PRDM11: variants seen among roughly 807,000 people sequenced by gnomAD.
PRDM11 encodes the protein PR/SET domain 11, also known as PR domain-containing protein 11.
A neutral mutation model predicts 97.8 loss-of-function variants in PRDM11; 20 were observed. That is an observed-to-expected ratio of 0.20 (90% CI 0.14 to 0.30). The LOEUF is 0.30. Ranked by LOEUF, PRDM11 falls within the 10% of genes least tolerant of loss-of-function variation. The pLI, the probability that PRDM11 is intolerant of heterozygous loss-of-function variation, is 1.00. For missense variants in PRDM11, 1,139 were observed against 1,555.2 expected (o/e 0.73, Z 4.50); for synonymous variants, 599 against 637.7 (o/e 0.94, Z 0.91).
chr11:45,101,117 C>A lies in PRDM11; in HGVS notation c.96+5216C>A, dbSNP rs552968020. Among the ~76,000 whole-genome samples the A allele has an allele frequency of 3.9e-5, 6 of 152,236 alleles. No individual in the cohort carries two copies. In the South Asian group the frequency reaches 1.0e-3, roughly 26 times the overall value. ...TCTCCCTTTCCCCACACTTCTTGCA[C>A]CCTAGTCACCTTACTGGGCTGAGAG... is the stretch of plus-strand genomic sequence containing the variant. On this transcript the variant is annotated intron_variant, in intron 1 of 6. Coordinates refer to the PRDM11 transcript ENST00000530656.
At chr11:45,113,690 T>C (rs1852233997) in intron 1 of PRDM11, among the ~76,000 whole-genome samples, 1 of 151,954 alleles carries the variant, frequency 6.6e-6, no homozygotes, top group Admixed American at 6.6e-5. Context: ...ATTCCTAAAT[T>C]ATTTATTTAT....
At chr11:45,200,264 C>T (rs538160002) in intron 4 of PRDM11, among the ~76,000 whole-genome samples, 1 of 152,346 alleles carries the variant, frequency 6.6e-6, no homozygotes, top group Non-Finnish European at 1.5e-5. Flanking sequence ...CTTCACAGCC[C>T]TCACCCAGTC....
At chr11:45,108,294 T>C (rs1417893141) in intron 1 of PRDM11, among the ~76,000 whole-genome samples, 1 of 152,200 alleles carries the variant, frequency 6.6e-6, no homozygotes, top group Non-Finnish European at 1.5e-5. Context: ...CCCTGGCCTC[T>C]TACGTGGGAT....
intron 1 of PRDM11, among the ~76,000 whole-genome samples, chr11:45,147,904 A>G (rs922425113): frequency 2.2e-4 from 33 of 152,188 alleles, no homozygotes; most frequent in African/African-American, 7.7e-4. Context: ...GCCAGGAGGC[A>G]ATGATGAGAG....
At chr11:45,184,071 C>T (rs1285274363) in intron 4 of PRDM11, among the ~76,000 whole-genome samples, 3 of 152,246 alleles carry the variant, frequency 2.0e-5, no homozygotes, top group Non-Finnish European at 4.4e-5. Flanking sequence ...AGAAGCCTTC[C>T]TGCTAGTTGA....
chr11:45,176,527 G>C (rs1210668944), intron 1 of PRDM11, among the ~76,000 whole-genome samples: 1 of 152,186 alleles, frequency 6.6e-6, no homozygotes, highest in Non-Finnish European at 1.5e-5. Context: ...TCTGATATCA[G>C]TGCCACAGGA....
intron 2 of PRDM11, 63 bp from the exon 3 acceptor site, chr11:45,182,183 C>A: frequency 6.9e-7 from 1 of 1,452,436 alleles, no homozygotes; most frequent in Non-Finnish European, 9.6e-7. Flanking sequence ...AGCTTTTGTC[C>A]CCACTGGGCT....
At chr11:45,158,857 A>G (rs1851864755) in intron 1 of PRDM11, among the ~76,000 whole-genome samples, 1 of 151,948 alleles carries the variant, frequency 6.6e-6, no homozygotes, top group Non-Finnish European at 1.5e-5. Flanking sequence ...GCCACTTCTC[A>G]GCAAGACCTC....
chr11:45,096,677 C>T (rs1051886648), intron 1 of PRDM11, among the ~76,000 whole-genome samples: 1 of 152,198 alleles, frequency 6.6e-6, no homozygotes, highest in Non-Finnish European at 1.5e-5. Context: ...TCCCAAGCAG[C>T]CTCTTCACTG....
intron 5 of PRDM11, among the ~76,000 whole-genome samples, chr11:45,217,820 C>G (rs1412467048): frequency 6.6e-6 from 1 of 152,194 alleles, no homozygotes; most frequent in African/African-American, 2.4e-5. Context: ...TCGTATATTT[C>G]TTTTCTTTAT....
chr11:45,154,338 A>G (rs1851736030), intron 1 of PRDM11, among the ~76,000 whole-genome samples: 1 of 152,226 alleles, frequency 6.6e-6, no homozygotes, highest in African/African-American at 2.4e-5. Flanking sequence ...CCTGGGAGAC[A>G]GAGTGAGACC....
At chr11:45,177,446 G>C (rs528902767) in intron 1 of PRDM11, among the ~76,000 whole-genome samples, 36 of 152,300 alleles carry the variant, frequency 2.4e-4, no homozygotes, top group African/African-American at 7.9e-4. Context: ...CCAGGCCTTA[G>C]AGTGTCTGCT....
At chr11:45,211,450 C>G (rs1046509155) in intron 5 of PRDM11, among the ~76,000 whole-genome samples, 2 of 152,184 alleles carry the variant, frequency 1.3e-5, no homozygotes, top group African/African-American at 4.8e-5. Context: ...TACCCTTGGT[C>G]ACCAGAAAGC....
At chr11:45,162,779 G>T (rs1420966278) in intron 1 of PRDM11, among the ~76,000 whole-genome samples, 2 of 152,162 alleles carry the variant, frequency 1.3e-5, no homozygotes, top group Non-Finnish European at 2.9e-5. Context: ...ATGGTCGGGG[G>T]ATCATTAAGG....
At chr11:45,158,948 C>T (rs1851867025) in intron 1 of PRDM11, among the ~76,000 whole-genome samples, 1 of 152,166 alleles carries the variant, frequency 6.6e-6, no homozygotes, top group African/African-American at 2.4e-5. Flanking sequence ...CCTGTCTTGG[C>T]TTCTCCCGGG....
intron 1 of PRDM11, among the ~76,000 whole-genome samples, chr11:45,177,083 T>C (rs932927094): frequency 2.0e-4 from 31 of 152,208 alleles, no homozygotes; most frequent in African/African-American, 7.5e-4. Context: ...GTAAACCTTC[T>C]AGATTCTCAT....
At chr11:45,095,865 G>A (rs1565215448) in exon 1 of PRDM11, 2 of 780,682 alleles carry the variant, frequency 2.6e-6, no homozygotes, top group Admixed American at 3.4e-5. Flanking sequence ...GGGCCTGCCT[G>A]AGATGCTCAC....
intron 1 of PRDM11, among the ~76,000 whole-genome samples, chr11:45,153,706 C>G (rs1289702703): frequency 1.3e-5 from 2 of 152,246 alleles, no homozygotes; most frequent in East Asian, 1.9e-4. Context: ...GCCTCAGTTT[C>G]CTTTCTGTAA....
chr11:45,209,369 G>A (rs959471408), intron 5 of PRDM11: 22 of 330,916 alleles, frequency 6.6e-5, no homozygotes, highest in Non-Finnish European at 1.1e-4. Context: ...GTCTCCCACC[G>A]ACTTTCCCTC....
Sources: allele counts gnomAD v4.1 joint callset (sites outside exome capture counted in the v4.1 genomes callset), GRCh38; gene constraint gnomAD v4.1.1; transcripts MANE v1.5; gene names NCBI Gene and HGNC (gene_info 2026-07-23, HGNC 2026-07-21).